Variants in PLCL1 observed in about 807,000 individuals in gnomAD.
PLCL1 encodes the protein phospholipase C like 1 (inactive).
A neutral mutation model predicts 84.4 loss-of-function variants in PLCL1; 41 were observed. The ratio of observed to expected loss-of-function variants is 0.49; its 90% CI spans 0.38 to 0.63. The LOEUF (loss-of-function observed/expected upper bound fraction) is 0.63. Among genes scored for constraint, PLCL1 ranks in the 30% least tolerant of loss-of-function variants. The pLI is 0.00. For synonymous variants in PLCL1, 490 were observed against 488.3 expected (o/e 1.00, Z -0.05); for missense variants, 1,206 against 1,367.8 (o/e 0.88, Z 1.87).
At chr2:197,975,628 A>ACC (rs11423326) in intron 1 of PLCL1, among the ~76,000 whole-genome samples, 10 of 151,628 alleles carry the variant, frequency 6.6e-5, no homozygotes, top group Non-Finnish European at 8.8e-5. Flanking sequence ...ACAGAGTGAG[A>ACC]CCCCCCCATC....
intron 1 of PLCL1, among the ~76,000 whole-genome samples, chr2:197,841,126 T>C (rs1280903246): frequency 6.6e-6 from 1 of 152,190 alleles, no homozygotes; most frequent in East Asian, 1.9e-4. Flanking sequence ...CCCCTATAAT[T>C]AATGTCTTGC....
At chr2:198,103,495 T>A (rs13397026) in intron 4 of PLCL1, among the ~76,000 whole-genome samples, 8,882 of 152,070 alleles carry the variant, frequency 0.058, 750 homozygotes, top group African/African-American at 0.18. Context: ...TTGATTATAG[T>A]CATCTTGTTG....
intron 1 of PLCL1, among the ~76,000 whole-genome samples, chr2:197,808,237 A>G (rs1690520195): frequency 6.6e-6 from 1 of 152,220 alleles, no homozygotes; most frequent in Non-Finnish European, 1.5e-5. Flanking sequence ...GCATTGTTAT[A>G]TACCACAATA....
chr2:197,989,946 C>T (rs1254023367), intron 1 of PLCL1, among the ~76,000 whole-genome samples: 2 of 152,102 alleles, frequency 1.3e-5, no homozygotes, highest in Non-Finnish European at 2.9e-5. Flanking sequence ...GGAAAATGTA[C>T]AGATAGTGCC....
intron 1 of PLCL1, among the ~76,000 whole-genome samples, chr2:197,861,251 A>G (rs1687429726): frequency 1.3e-5 from 2 of 152,166 alleles, no homozygotes; most frequent in Non-Finnish European, 2.9e-5. Context: ...CCAATAGACA[A>G]TATTTTAATC....
Position 197,939,911 on chromosome 2 carries a change from A to AC in PLCL1, c.240+134577dup, listed in dbSNP as rs146166230. Among the ~76,000 whole-genome samples, 834 of 151,676 alleles carry AC rather than the reference A, an allele frequency of 5.5e-3. 8 individuals are homozygous for AC. Among genetic ancestry groups the AC allele is most frequent in the African/African-American group, 0.019 (805 of 41,394 alleles). On this transcript the variant is annotated intron_variant, in intron 1 of 5. Transcript: ENST00000428675. ...TAGAATCACCTGGGTAACTTAAACA[A>AC]CCCCCAAAAACAGCACATACCAATA...
chr2:197,957,677 C>T (rs1689520308), intron 1 of PLCL1, among the ~76,000 whole-genome samples: 2 of 152,030 alleles, frequency 1.3e-5, no homozygotes, highest in Admixed American at 1.3e-4. Flanking sequence ...GGCCTCTGCT[C>T]AACCAGGATA....
intron 1 of PLCL1, among the ~76,000 whole-genome samples, chr2:198,004,947 G>T (rs1015032207): frequency 1.3e-5 from 2 of 152,164 alleles, no homozygotes; most frequent in African/African-American, 2.4e-5. Context: ...AGTGCTTACT[G>T]CTAATTTAGC....
chr2:197,968,544 A>T (rs776522994), intron 1 of PLCL1, among the ~76,000 whole-genome samples: 2 of 152,252 alleles, frequency 1.3e-5, no homozygotes, highest in Non-Finnish European at 2.9e-5. Context: ...AAATAGAAAT[A>T]GTTAAAAATC....
At chr2:197,904,424 C>G (rs1401984610) in intron 1 of PLCL1, among the ~76,000 whole-genome samples, 7 of 152,064 alleles carry the variant, frequency 4.6e-5, no homozygotes, top group Non-Finnish European at 1.0e-4. Context: ...TATTTCATTT[C>G]TTTTGTATTA....
intron 3 of PLCL1, among the ~76,000 whole-genome samples, chr2:198,091,544 G>A (rs1317059582): frequency 2.0e-5 from 3 of 151,704 alleles, no homozygotes; most frequent in Non-Finnish European, 4.4e-5. Flanking sequence ...GCCGGGCATG[G>A]TGGCACCCGC....
In PLCL1 at chr2:197,930,452, C is replaced by T. The variant is rs184497472; in HGVS notation, c.240+125113C>T. On this transcript the variant is annotated intron_variant, in intron 1 of 5. Coordinates refer to ENST00000428675, the MANE Select transcript of PLCL1 (RefSeq NM_006226.4). ...GGAAAGATCTTTGGGTTCTTTTATA[C>T]TTGATGACTTTAAATCTGTGAAAAC... Among the ~76,000 whole-genome samples the T allele has an allele frequency of 8.9e-4, 136 of 152,250 alleles. 1 individual carries two copies. The highest frequency in any genetic ancestry group is 3.2e-3 in the African/African-American group (134 of 41,546).
Position 197,836,446 on chromosome 2 carries a change from CAAAAAAAAAAAAA to C in PLCL1, c.240+31126_240+31138del, listed in dbSNP as rs35510400. On this transcript the variant is annotated intron_variant, in intron 1 of 5. Transcript: ENST00000428675. ...TGGGCGACAGAGCGAGACTCCGTCT[CAAAAAAAAAAAAA>C]AAAAAAAAAAAAAAAAAATCCTTAC... is the stretch of plus-strand genomic sequence containing the variant. Among the ~76,000 whole-genome samples, 319 of 34,558 alleles carry C rather than the reference CAAAAAAAAAAAAA, an allele frequency of 9.2e-3. 2 individuals carry two copies. The highest frequency in any genetic ancestry group is 0.031 in the African/African-American group (303 of 9,766). 22.7% of individuals were successfully genotyped at this position (34,558 alleles called of 152,430 possible). A position where few individuals can be genotyped will look rare whatever the true frequency, so the allele number is the denominator to read the frequency against.
At chr2:197,863,626 TATC>T (rs1035883119) in intron 1 of PLCL1, among the ~76,000 whole-genome samples, 1 of 152,192 alleles carries the variant, frequency 6.6e-6, no homozygotes, top group African/African-American at 2.4e-5. Context: ...TACAAGAAGA[TATC>T]ATAAAATTTC....
chr2:197,868,823 A>G (rs1218416814), intron 1 of PLCL1, among the ~76,000 whole-genome samples: 1 of 151,878 alleles, frequency 6.6e-6, no homozygotes, highest in African/African-American at 2.4e-5. Flanking sequence ...GCCTTTACAC[A>G]TACTTTTAAC....
chr2:197,978,606 G>A (rs1381515887), intron 1 of PLCL1, among the ~76,000 whole-genome samples: 1 of 152,230 alleles, frequency 6.6e-6, no homozygotes, highest in East Asian at 1.9e-4. Flanking sequence ...TAAAATAAAT[G>A]TAAGCTATAC....
Position 197,805,674 on chromosome 2 carries a change from C to T in PLCL1, c.240+335C>T, listed in dbSNP as rs1690459000. Among the ~76,000 whole-genome samples the T allele has an allele frequency of 6.6e-6, 1 of 152,140 alleles. No homozygotes were observed. The highest frequency in any genetic ancestry group is 2.4e-5 in the African/African-American group (1 of 41,416). Reference sequence around the variant, plus strand: ...GAACTCTGGATAAATGCAGACCCACCGGATGGTTGTGCATTGCTTTCCAAT... The same window carrying T: ...GAACTCTGGATAAATGCAGACCCACTGGATGGTTGTGCATTGCTTTCCAAT... On this transcript the variant is annotated intron_variant, in intron 1 of 5. Coordinates refer to ENST00000428675, the MANE Select transcript of PLCL1 (RefSeq NM_006226.4). The surrounding 1 kb of genome is among the most constrained non-coding windows in gnomAD (Gnocchi z 4.0).
intron 1 of PLCL1, among the ~76,000 whole-genome samples, chr2:197,806,694 C>G (rs758188868): frequency 6.6e-6 from 1 of 152,138 alleles, no homozygotes; most frequent in Non-Finnish European, 1.5e-5. Flanking sequence ...GGTCAGAAAG[C>G]ACACTGTTTT....
chr2:197,994,819 T>C (rs979011009), intron 1 of PLCL1, among the ~76,000 whole-genome samples: 1 of 152,228 alleles, frequency 6.6e-6, no homozygotes, highest in Non-Finnish European at 1.5e-5. Flanking sequence ...GAATTTAGTT[T>C]AGAATAAACC....
Sources: gnomAD v4.1 joint callset for allele counts (sites outside exome capture counted in the v4.1 genomes callset) on GRCh38, gnomAD v4.1.1 for gene constraint, Gnocchi (gnomAD v3.1) non-coding constraint, MANE v1.5 for transcripts, NCBI Gene and HGNC (gene_info 2026-07-23, HGNC 2026-07-21) for gene names.